The following CEACAM3 variants were observed in gnomAD, a reference collection of about 807,000 sequenced individuals.
CEACAM3 encodes cell adhesion molecule CEACAM3.
Under a neutral mutation model 30.1 loss-of-function variants are expected in CEACAM3, and 32 were observed. The observed-to-expected ratio is 1.06, with a 90% CI of 0.80 to 1.43. The LOEUF is 1.43. Among genes scored for constraint, CEACAM3 ranks in the 40% most tolerant of loss-of-function variants. CEACAM3 has a pLI of 0.00. For missense variants in CEACAM3, 290 were observed against 316.3 expected, an observed-to-expected ratio of 0.92 and a Z score of 0.63; for synonymous variants, 134 against 127.2, an observed-to-expected ratio of 1.05 and a Z score of -0.36.
At chr19:41,803,768 A>C (rs2073176142) in intron 2 of CEACAM3, among the ~76,000 whole-genome samples, 1 of 66,782 alleles carries the variant, frequency 1.5e-5, no homozygotes, top group Admixed American at 2.1e-4. Flanking sequence ...GCCCGGCCTG[A>C]AACAGCAAAG....
chr19:41,811,062 A>C, intron 6 of CEACAM3, 110 bp from the exon 7 acceptor site: 2 of 1,331,796 alleles, frequency 1.5e-6, no homozygotes, highest in South Asian at 1.2e-5. Flanking sequence ...CCCCCTGAGC[A>C]CAGCCAGGTT....
chr19:41,797,201 T>C (rs1488774291), intron 1 of CEACAM3: 3 of 249,402 alleles, frequency 1.2e-5, no homozygotes, highest in East Asian at 8.8e-5. Flanking sequence ...GAGATGAAGA[T>C]AGACACCCAA....
At chr19:41,800,460 A>G (rs1344093596) in intron 2 of CEACAM3, among the ~76,000 whole-genome samples, 1 of 151,884 alleles carries the variant, frequency 6.6e-6, no homozygotes, top group Non-Finnish European at 1.5e-5. Context: ...TTGCTCCTCC[A>G]CCTCTTGTGG....
intron 2 of CEACAM3, among the ~76,000 whole-genome samples, chr19:41,798,601 A>G (rs1376226081): frequency 4.6e-5 from 7 of 152,226 alleles, no homozygotes; most frequent in African/African-American, 1.7e-4. Flanking sequence ...GCATGAGCCC[A>G]CTGCCCAGGG....
At chr19:41,808,101 G>A (rs539870516) in intron 2 of CEACAM3, among the ~76,000 whole-genome samples, 13 of 152,266 alleles carry the variant, frequency 8.5e-5, no homozygotes, top group African/African-American at 2.9e-4. Flanking sequence ...GAGCCTAGAA[G>A]TTTATTTCCC....
chr19:41,800,840 G>A (rs556801236), intron 2 of CEACAM3, among the ~76,000 whole-genome samples: 122 of 152,014 alleles, frequency 8.0e-4, no homozygotes, highest in Middle Eastern at 3.4e-3. Context: ...TCAGACATTC[G>A]GGGCCACTAC....
chr19:41,806,967 G>A (rs541548670), intron 2 of CEACAM3: 54 of 1,454,828 alleles, frequency 3.7e-5, no homozygotes, highest in East Asian at 7.6e-5. Flanking sequence ...GATTACAGGC[G>A]TGAGCCACCG....
intron 2 of CEACAM3, among the ~76,000 whole-genome samples, chr19:41,798,748 C>T (rs927516044): frequency 3.3e-5 from 5 of 152,224 alleles, no homozygotes; most frequent in African/African-American, 9.6e-5. Flanking sequence ...AGCATAGATG[C>T]TGTTCCTTTG....
intron 4 of CEACAM3, 121 bp from the exon 5 acceptor site, chr19:41,810,202 T>A: frequency 7.2e-7 from 1 of 1,384,624 alleles, no homozygotes; most frequent in Non-Finnish European, 1.0e-6. Context: ...CTCTGGGTCA[T>A]GGGTCACCTC....
At position 41,808,858 on chromosome 19, in the gene CEACAM3, T is replaced by G. The variant is rs1427271104; in HGVS notation, c.470T>G (p.Val157Gly). The change falls in exon 3 of 7, where the codon GTG (valine) becomes GGG (glycine). Residue 157 changes from valine (V) to glycine (G), a missense_variant. By Grantham distance (109) the Val-to-Gly change is moderately radical (BLOSUM62 -3). Coordinates refer to ENST00000357396, the MANE Select transcript of CEACAM3 (RefSeq NM_001815.5). Reference protein sequence around the residue: ...GLPVGAVAGIVTGVLVGVALV... With the variant: ...GLPVGAVAGIGTGVLVGVALV... Reference sequence around the variant, plus strand: ...CCTGTGGGGGCCGTCGCCGGCATCGTGACCGGGGTCCTGGTCGGAGTGGCG... The same window carrying G: ...CCTGTGGGGGCCGTCGCCGGCATCGGGACCGGGGTCCTGGTCGGAGTGGCG... 6.2e-7 allele frequency: 1 copy of G among 1,611,460 alleles called. No homozygotes were observed. Among genetic ancestry groups the G allele is most frequent in the Admixed American group, 1.7e-5 (1 of 59,616 alleles).
At chr19:41,809,929 C>T in intron 3 of CEACAM3, 36 bp from the exon 4 acceptor site, 1 of 1,611,696 alleles carries the variant, frequency 6.2e-7, no homozygotes, top group Non-Finnish European at 8.5e-7. Context: ...TGGCTTTTAA[C>T]CTGGCACCCT....
chr19:41,809,787 G>T, intron 3 of CEACAM3, 178 bp from the exon 4 acceptor site: 1 of 666,120 alleles, frequency 1.5e-6, no homozygotes, highest in Non-Finnish European at 2.7e-6. Context: ...ACAGATGTGG[G>T]TTCCTAAAGC....
At chr19:41,803,461 G>GTTTTTTT (rs797042257) in intron 2 of CEACAM3, among the ~76,000 whole-genome samples, 1 of 74,090 alleles carries the variant, frequency 1.3e-5, no homozygotes, top group Non-Finnish European at 3.6e-5. Flanking sequence ...TGTGTGTGTT[G>GTTTTTTT]TTTTGTTTGT....
intron 5 of CEACAM3, 138 bp downstream of exon 5, chr19:41,810,492 G>T: frequency 9.4e-7 from 1 of 1,063,974 alleles, no homozygotes; most frequent in East Asian, 2.6e-5. Context: ...CCCTGCCCTG[G>T]CCAGGAGCTG....
chr19:41,806,016 T>C (rs2073196727), intron 2 of CEACAM3, among the ~76,000 whole-genome samples: 1 of 152,070 alleles, frequency 6.6e-6, no homozygotes, highest in South Asian at 2.1e-4. Flanking sequence ...TTGTTGTTGT[T>C]GTTGTTGTTG....
Position 41,808,874 on chromosome 19 carries a change from C to T in CEACAM3, c.486C>T (p.Val162=), listed in dbSNP as rs782364341. 5 of 1,609,896 alleles carry T rather than the reference C, an allele frequency of 3.1e-6. No individual in the cohort carries two copies. Among genetic ancestry groups the T allele is most frequent in the Non-Finnish European group, 4.2e-6 (5 of 1,177,972 alleles). Residue 162 remains valine (V), a synonymous_variant, in exon 3 of 7, where the codon GTC becomes GTT. Transcript: ENST00000357396. ...AVAGIVTGVL[V]GVALVAALVC... ...CCGGCATCGTGACCGGGGTCCTGGT[C>T]GGAGTGGCGCTGGTGGCCGCGCTGG...
chr19:41,807,636 G>A, intron 2 of CEACAM3: 1 of 1,189,226 alleles, frequency 8.4e-7, no homozygotes, highest in Non-Finnish European at 1.1e-6. Flanking sequence ...CTCAGACCCA[G>A]ACTCAGTGGA....
Position 41,797,654 on chromosome 19 carries a change from A to G in CEACAM3, c.130A>G (p.Ser44Gly). The stretch of plus-strand genomic sequence containing the variant: ...GCTCACTATTGAATCCATGCCGCTC[A>G]GTGTCGCAGAGGGGAAGGAGGTGCT... ...AKLTIESMPL[S>G]VAEGKEVLLL... The change falls in exon 2 of 7, where the codon AGT becomes GGT. Residue 44 changes from serine (S) to glycine (G), a missense_variant. Ser to Gly is a moderately conservative substitution (Grantham distance 56, BLOSUM62 0). Transcript: ENST00000357396. 6.2e-7 allele frequency: 1 copy of G among 1,614,188 alleles called. No homozygotes were observed. The highest frequency in any genetic ancestry group is 1.7e-5 in the Admixed American group (1 of 60,022).
intron 2 of CEACAM3, among the ~76,000 whole-genome samples, chr19:41,798,998 A>G (rs1297335263): frequency 6.6e-6 from 1 of 152,212 alleles, no homozygotes; most frequent in Non-Finnish European, 1.5e-5. Flanking sequence ...TTATTATTAG[A>G]CATCTGCAGG....
Sources: allele counts gnomAD v4.1 joint callset (sites outside exome capture counted in the v4.1 genomes callset), GRCh38; gene constraint gnomAD v4.1.1; transcripts MANE v1.5; gene names NCBI Gene and HGNC (gene_info 2026-07-23, HGNC 2026-07-21).